Variants in FLG observed in about 807,000 individuals in gnomAD.
The protein encoded by FLG is epidermal filaggrin.
A neutral mutation model predicts 3.8 loss-of-function variants in FLG; 6 were observed. The ratio of observed to expected loss-of-function variants is 1.60; its 90% CI spans 0.87 to 3.15. The LOEUF is 3.15. Among genes scored for constraint, FLG ranks in the 30% most tolerant of loss-of-function variants. The pLI is 0.00. For missense variants in FLG, 7,595 were observed against 5,050.9 expected (o/e 1.50, Z -15.27); for synonymous variants, 2,551 against 1,931.6 (o/e 1.32, Z -8.41).
rs2065957 is a variant in FLG at position 152,305,350 on chromosome 1, A to G, written c.9536T>C (p.Val3179Ala). 6.4e-7 allele frequency: 1 copy of G among 1,563,240 alleles called. No individual in the cohort carries two copies. Among genetic ancestry groups the G allele is most frequent in the Non-Finnish European group, 8.7e-7 (1 of 1,148,768 alleles). ...AGTGGAAGCTTCATGGTGACGTGAC[A>G]CTGAGTGCCTGGAGCTGTCTCCTGA... ...EQSGDSSRHS[V>A]SRHHEASTHA... is the part of the protein sequence containing the mutation. The change falls in exon 3 of 3, where the codon GTG (valine) becomes GCG (alanine). Residue 3179 changes from valine to alanine, a missense_variant. Transcript: ENST00000368799.
At chr1:152,316,382 A>T (rs1293620134) in intron 1 of FLG, among the ~76,000 whole-genome samples, 1 of 152,052 alleles carries the variant, frequency 6.6e-6, no homozygotes, top group African/African-American at 2.4e-5. Context: ...ACCATTAGAG[A>T]TGAAAAAGGG....
Position 152,311,698 on chromosome 1 carries a change from T to G in FLG, c.3188A>C (p.His1063Pro), listed in dbSNP as rs1557879299. 3.7e-6 allele frequency: 6 copies of G among 1,614,054 alleles called. No homozygotes were observed. In the South Asian group the frequency reaches 4.4e-5, roughly 12 times the overall value. The stretch of plus-strand genomic sequence containing the variant: ...GGCCTGACTACCACTGGACCCCCAG[T>G]GTCCACTGTCTCTGACTGCAGATGA... ...QASSAVRDSG[H>P]WGSSGSQASD... Residue 1063 changes from histidine (H) to proline (P), a missense_variant, in exon 3 of 3, where the codon CAC becomes CCC. By Grantham distance (77) the His-to-Pro change is moderately conservative. Transcript: ENST00000368799.
At position 152,307,930 on chromosome 1, in the gene FLG, T is replaced by G. The variant is rs779317800; in HGVS notation, c.6956A>C (p.His2319Pro). 5.6e-6 allele frequency: 9 copies of G among 1,613,426 alleles called. No homozygotes were observed. The East Asian group carries it at 2.0e-4, about 36-fold the overall frequency. The change falls in exon 3 of 3, where the codon CAT becomes CCT. Residue 2319 changes from histidine (H) to proline (P), a missense_variant. Physicochemically the swap from His to Pro is moderately conservative, Grantham distance 77. Transcript: ENST00000368799. ...NSSGGQAASS[H>P]EQARSSAGER... ...TCCTGCACTTGATCTTGCCTGTTCATGGGATGATGCAGCCTGTCCACCAGA... is the reference window on the plus strand; with the variant it reads ...TCCTGCACTTGATCTTGCCTGTTCAGGGGATGATGCAGCCTGTCCACCAGA...
rs1394695079 is a variant in FLG, at chr1:152,314,002, G to A, written c.884C>T (p.Ser295Phe). ...ACTGTCCCTGTCCTGGCTAACTCTGGATCCCCTACGCTTTCTTGTCCTGGA... is the reference window on the plus strand; with the variant it reads ...ACTGTCCCTGTCCTGGCTAACTCTGAATCCCCTACGCTTTCTTGTCCTGGA... ...QESRTRKRRG[S>F]RVSQDRDSEG... Residue 295 changes from serine to phenylalanine, a missense_variant, in exon 3 of 3, where the codon TCC (serine) becomes TTC (phenylalanine). Coordinates refer to ENST00000368799, the MANE Select transcript of FLG (RefSeq NM_002016.2). 5 of 1,614,042 alleles carry A rather than the reference G, an allele frequency of 3.1e-6. No homozygotes were observed. In the African/African-American group the frequency reaches 5.3e-5, roughly 17 times the overall value.
In FLG at chr1:152,303,684, T is replaced by C. The variant is rs1465496681; in HGVS notation, c.11202A>G (p.Arg3734=). 1 of 1,614,058 alleles carries C rather than the reference T, an allele frequency of 6.2e-7. No individual in the cohort carries two copies. Among genetic ancestry groups the C allele is most frequent in the Non-Finnish European group, 8.5e-7 (1 of 1,179,958 alleles). The change falls in exon 3 of 3, where the codon AGA becomes AGG. Residue 3734 remains arginine, a synonymous_variant. Transcript: ENST00000368799. ...GTGCCTGCTCGTGGCGGGATCCTTG[T>C]CTTCCTCCAGTACTGGGCCCAGCCC... The part of the protein sequence containing the change: ...HGRAGPSTGG[R]QGSRHEQARD...
In FLG at chr1:152,304,926, A is replaced by G. The variant is rs201488619; in HGVS notation, c.9960T>C (p.Arg3320=). ...ADSSRHSGIP[R]GQASSAVRDS... is the part of the protein sequence containing the mutation. ...CTCTGACTGCAGATGAAGCTTGTCC[A>G]CGCGGAATGCCTGAGTGTCTGGAGC... Residue 3320 remains arginine (R), a synonymous_variant, in exon 3 of 3, where the codon CGT becomes CGC. Coordinates refer to ENST00000368799, the MANE Select transcript of FLG (RefSeq NM_002016.2). 612 of 1,613,134 alleles carry G rather than the reference A, an allele frequency of 3.8e-4. 11 individuals are homozygous for G. The South Asian group carries it at 5.6e-3, about 15-fold the overall frequency.
chr1:152,308,963 T>A lies in FLG; in HGVS notation c.5923A>T (p.Arg1975Ter). The A allele has an allele frequency of 6.2e-7, 1 of 1,614,240 alleles. No individual in the cohort carries two copies. Among genetic ancestry groups the A allele is most frequent in the Admixed American group, 1.7e-5 (1 of 60,034 alleles). Residue 1975 changes from arginine to a stop codon, truncating the protein, a stop_gained, in exon 3 of 3, where the codon AGA becomes TGA. Coordinates refer to ENST00000368799, the MANE Select transcript of FLG (RefSeq NM_002016.2). LOFTEE classifies it low-confidence loss of function (END_TRUNC). Reference sequence around the variant, plus strand: ...TCTGTGTGACGAGTGCCTGATTGTCTGGAGCTGTCTGCAGAGTGCCCGTGA... The same window carrying A: ...TCTGTGTGACGAGTGCCTGATTGTCAGGAGCTGTCTGCAGAGTGCCCGTGA... Reference protein sequence around the residue: ...AGHGHSADSSRQSGTRHTESS... With the variant: ...AGHGHSADSS
chr1:152,309,748 C>T lies in FLG; in HGVS notation c.5138G>A (p.Gly1713Glu), dbSNP rs768717601. 4 of 1,613,872 alleles carry T rather than the reference C, an allele frequency of 2.5e-6. No homozygotes were observed. Among genetic ancestry groups the T allele is most frequent in the African/African-American group, 1.3e-5 (1 of 74,850 alleles). ...SSVVGDSGNR[G>E]SSGSQASDSE... ...GTCACTGGCCTGGCTACCACTGGAC[C>T]CTCGGTTTCCACTGTCTCCGACTAC... Residue 1713 changes from glycine to glutamate, a missense_variant, in exon 3 of 3, where the codon GGG (glycine) becomes GAG (glutamate). Physicochemically the swap from Gly to Glu is moderately conservative, Grantham distance 98. Coordinates refer to ENST00000368799, the MANE Select transcript of FLG (RefSeq NM_002016.2).
Position 152,311,239 on chromosome 1 carries a change from G to A in FLG, c.3647C>T (p.Ala1216Val), listed in dbSNP as rs762231410. ...TTTGTCCTTACGAGTTTGTCTGCTT[G>A]CACTTCTGGATCCTGACTGCCCATG... ...ASHGQSGSRS[A>V]SRQTRKDKQS... The change falls in exon 3 of 3, where the codon GCA becomes GTA. Residue 1216 changes from alanine (A) to valine (V), a missense_variant. Ala to Val is a moderately conservative substitution (Grantham distance 64). Transcript: ENST00000368799. The A allele has an allele frequency of 1.2e-6, 2 of 1,613,704 alleles. No individual in the cohort carries two copies. The highest frequency in any genetic ancestry group is 1.1e-5 in the South Asian group (1 of 91,062).
rs750914357 is a variant in FLG at position 152,308,742 on chromosome 1, C to T, written c.6144G>A (p.Glu2048=). ...GYSGSQASDS[E]GHSEDSDTQS... ...GTGTGTCTGAGTCTTCTGAATGTCC[C>T]TCACTGTCACTGGCCTGACTACCAC... The change falls in exon 3 of 3, where the codon GAG becomes GAA. Residue 2048 remains glutamate, a synonymous_variant. Transcript: ENST00000368799. 3 of 1,614,140 alleles carry T rather than the reference C, an allele frequency of 1.9e-6. No individual in the cohort carries two copies. The highest frequency in any genetic ancestry group is 2.2e-5 in the East Asian group (1 of 44,874).
chr1:152,304,336 C>T lies in FLG; in HGVS notation c.10550G>A (p.Arg3517Lys). The change falls in exon 3 of 3, where the codon AGA becomes AAA. Residue 3517 changes from arginine (R) to lysine (K), a missense_variant. By Grantham distance (26) the Arg-to-Lys change is conservative. Transcript: ENST00000368799. ...HEASTQADSS[R>K]HSQSGQGQSA... ...TTGTCCCTGGCCGGACTGTGAGTGTCTAGAGCTGTCCGCCTGAGTGGAAGC... is the reference window on the plus strand; with the variant it reads ...TTGTCCCTGGCCGGACTGTGAGTGTTTAGAGCTGTCCGCCTGAGTGGAAGC... 1 of 1,611,902 alleles carries T rather than the reference C, an allele frequency of 6.2e-7. No individual in the cohort carries two copies. The highest frequency in any genetic ancestry group is 1.1e-5 in the South Asian group (1 of 90,508).
Position 152,308,033 on chromosome 1 carries a change from G to A in FLG, c.6853C>T (p.His2285Tyr), listed in dbSNP as rs771817138. The stretch of plus-strand genomic sequence containing the variant: ...CCATGACCGGCTCTGTCTTCGTGAT[G>A]GGACCTGGGGTGTCTGGAGCCATCT... ...SRDGSRHPRS[H>Y]HEDRAGHGHS... The change falls in exon 3 of 3, where the codon CAT (histidine) becomes TAT (tyrosine). Residue 2285 changes from histidine to tyrosine, a missense_variant. Coordinates refer to ENST00000368799, the MANE Select transcript of FLG (RefSeq NM_002016.2). 7.4e-6 allele frequency: 12 copies of A among 1,614,188 alleles called. No individual in the cohort carries two copies. Among genetic ancestry groups the A allele is most frequent in the South Asian group, 1.1e-5 (1 of 91,086 alleles).
chr1:152,303,077 C>T lies in FLG; in HGVS notation c.11809G>A (p.Asp3937Asn), dbSNP rs778022370. The change falls in exon 3 of 3, where the codon GAT becomes AAT. Residue 3937 changes from aspartate (D) to asparagine (N), a missense_variant. Physicochemically the swap from Asp to Asn is conservative, Grantham distance 23. Transcript: ENST00000368799. Reference protein sequence around the residue: ...EHGHFSSLSQDSAYHSGIQSR... With the variant: ...EHGHFSSLSQNSAYHSGIQSR... The stretch of plus-strand genomic sequence containing the variant: ...TGTATTCCTGAGTGATACGCAGAAT[C>T]TTGTGAAAGACTACTAAAGTGACCA... 3.7e-6 allele frequency: 6 copies of T among 1,614,168 alleles called. No individual in the cohort carries two copies. The Admixed American group carries it at 1.0e-4, about 27-fold the overall frequency.
In FLG at chr1:152,309,581, C is replaced by G; in HGVS notation, c.5305G>C (p.Val1769Leu). 2 of 1,613,890 alleles carry G rather than the reference C, an allele frequency of 1.2e-6. No homozygotes were observed. Among genetic ancestry groups the G allele is most frequent in the Non-Finnish European group, 1.7e-6 (2 of 1,179,964 alleles). Residue 1769 changes from valine (V) to leucine (L), a missense_variant, in exon 3 of 3, where the codon GTG (valine) becomes CTG (leucine). Val to Leu is a conservative substitution (Grantham distance 32). Transcript: ENST00000368799. ...GACTCAGACTGTTCATGAGTGCTCACCTGGTAGAGGAAAGACCCTGAACGT... is the reference window on the plus strand; with the variant it reads ...GACTCAGACTGTTCATGAGTGCTCAGCTGGTAGAGGAAAGACCCTGAACGT... ...SGRSGSFLYQ[V>L]STHEQSESAH...
rs776084236 is a variant in FLG, at chr1:152,309,869, C to T, written c.5017G>A (p.Ala1673Thr). 3.7e-6 allele frequency: 6 copies of T among 1,614,000 alleles called. No individual in the cohort carries two copies. The East Asian group carries it at 1.1e-4, about 30-fold the overall frequency. ...TGTCTTTCTCCTGGACTTGACCTTG[C>T]CTGTTCCTGGGATGATGCAGCCTGT... ...GGQAASSQEQ[A>T]RSSPGERHGS... Residue 1673 changes from alanine (A) to threonine (T), a missense_variant, in exon 3 of 3, where the codon GCA (alanine) becomes ACA (threonine). Coordinates refer to ENST00000368799, the MANE Select transcript of FLG (RefSeq NM_002016.2).
Position 152,303,293 on chromosome 1 carries a change from G to T in FLG, c.11593C>A (p.Gln3865Lys). 1 of 1,614,070 alleles carries T rather than the reference G, an allele frequency of 6.2e-7. No individual in the cohort carries two copies. Among genetic ancestry groups the T allele is most frequent in the Non-Finnish European group, 8.5e-7 (1 of 1,180,004 alleles). Residue 3865 changes from glutamine (Q) to lysine (K), a missense_variant, in exon 3 of 3, where the codon CAG (glutamine) becomes AAG (lysine). Physicochemically the swap from Gln to Lys is moderately conservative, Grantham distance 53 (BLOSUM62 1). Transcript: ENST00000368799. ...GGGTATGCCTCACTGTCACTGTCCT[G>T]GCTAACACTGGATCCCTGGCGCCTG... The part of the protein sequence containing the change: ...RSRRQGSSVS[Q>K]DSDSEAYPED...
intron 1 of FLG, among the ~76,000 whole-genome samples, chr1:152,318,584 C>T (rs921161160): frequency 4.0e-5 from 6 of 151,860 alleles, no homozygotes; most frequent in African/African-American, 1.2e-4. Context: ...AAAATCTACA[C>T]TCCTTTCTGA....
chr1:152,318,469 C>G (rs1652857645), intron 1 of FLG, among the ~76,000 whole-genome samples: 1 of 151,660 alleles, frequency 6.6e-6, no homozygotes, highest in Non-Finnish European at 1.5e-5. Flanking sequence ...TTCCTCTTAC[C>G]CATTGAATGC....
chr1:152,315,418 A>G lies in FLG; in HGVS notation c.39T>C (p.Asn13=), dbSNP rs147265288. 11 of 1,612,104 alleles carry G rather than the reference A, an allele frequency of 6.8e-6. No homozygotes were observed. The highest frequency in any genetic ancestry group is 6.8e-6 in the Non-Finnish European group (8 of 1,179,004). The change falls in exon 2 of 3, where the codon AAT becomes AAC. Residue 13 remains asparagine (N), a synonymous_variant. Coordinates refer to ENST00000368799, the MANE Select transcript of FLG (RefSeq NM_002016.2). ...TLLENIFAII[N]LFKQYSKKDK... ...CTTTTTTTGAATATTGCTTGAAAAGATTAATTATGGCAAAGATGTTTTCCA... is the reference window on the plus strand; with the variant it reads ...CTTTTTTTGAATATTGCTTGAAAAGGTTAATTATGGCAAAGATGTTTTCCA...
Sources: allele counts gnomAD v4.1 joint callset (sites outside exome capture counted in the v4.1 genomes callset), GRCh38; gene constraint gnomAD v4.1.1; transcripts MANE v1.5; gene names NCBI Gene and HGNC (gene_info 2026-07-23, HGNC 2026-07-21).